The following MEP1A variants were observed in gnomAD, a reference collection of about 807,000 sequenced individuals.
MEP1A encodes the protein meprin A subunit alpha.
Under a neutral mutation model 84.5 loss-of-function variants are expected in MEP1A, and 68 were observed. That is an observed-to-expected ratio of 0.80 (90% CI 0.66 to 0.98). The LOEUF (loss-of-function observed/expected upper bound fraction) is 0.98, where lower values mean the gene tolerates loss of function less well. Among genes scored for constraint, MEP1A ranks in the 50% least tolerant of loss-of-function variants. The pLI is 0.00. For missense variants in MEP1A, 887 were observed against 919.9 expected (o/e 0.96, Z 0.46); for synonymous variants, 337 against 336.8 (o/e 1.00, Z -0.01).
downstream of MEP1A, among the ~76,000 whole-genome samples, chr6:46,842,207 A>G (rs545584426): frequency 3.9e-5 from 6 of 152,234 alleles, no homozygotes; most frequent in Non-Finnish European, 7.3e-5. Context: ...TGTTTGAACA[A>G]TAAGAAAATC....
rs763531716 is a variant in MEP1A at position 46,835,326 on chromosome 6, C to T, written c.1861C>T (p.Gln621Ter). The change falls in exon 13 of 14, where the codon CAG (glutamine) becomes TAG (stop). Residue 621 changes from glutamine (Q) to a stop codon, truncating the protein, a stop_gained. Transcript: ENST00000230588. LOFTEE classifies it high-confidence loss of function. ...CCCCCAAGGCCTCATTCTCCAAGGC[C>T]AGGAGCAGCAGGTCTCCGAAGAAGG... ...LSPQGLILQG[Q>*]EQQVSEEGSG... 6.2e-7 allele frequency: 1 copy of T among 1,608,610 alleles called. No homozygotes were observed. The highest frequency in any genetic ancestry group is 2.2e-5 in the East Asian group (1 of 44,776).
intron 10 of MEP1A, among the ~76,000 whole-genome samples, chr6:46,831,112 C>G (rs1768065171): frequency 6.6e-6 from 1 of 152,104 alleles, no homozygotes; most frequent in Admixed American, 6.5e-5. Flanking sequence ...CCTGGGAACA[C>G]TGTATGAAAG....
intron 7 of MEP1A, among the ~76,000 whole-genome samples, chr6:46,821,647 T>G (rs1767778759): frequency 6.6e-6 from 1 of 152,186 alleles, no homozygotes; most frequent in Admixed American, 6.5e-5. Context: ...CAGAAAACAT[T>G]TCTATTTCCA....
chr6:46,804,428 A>C (rs943834574), intron 5 of MEP1A, among the ~76,000 whole-genome samples: 1 of 151,776 alleles, frequency 6.6e-6, no homozygotes, highest in East Asian at 1.9e-4. Context: ...GAACATTCAC[A>C]TACTCATAAC....
At chr6:46,807,840 G>GAAGA (rs1333175785) in intron 5 of MEP1A, among the ~76,000 whole-genome samples, 2,135 of 107,794 alleles carry the variant, frequency 0.02, 43 homozygotes, top group Middle Eastern at 0.03. Flanking sequence ...AGAAAGAAAG[G>GAAGA]AAGAAAGGAA....
chr6:46,793,390 C>T lies in MEP1A; in HGVS notation c.-9C>T, dbSNP rs1766972754. ...CAAGGTGTGTGCTAAAATCAGCTCA[C>T]TTGCAGCAATGGCTTGGATTAGATC... On this transcript the variant is annotated 5_prime_UTR_variant, in exon 1 of 14. Coordinates refer to ENST00000230588, the MANE Select transcript of MEP1A (RefSeq NM_005588.3). 2 of 1,575,826 alleles carry T rather than the reference C, an allele frequency of 1.3e-6. No homozygotes were observed. The highest frequency in any genetic ancestry group is 1.2e-5 in the South Asian group (1 of 83,646).
At chr6:46,841,651 G>C (rs972965218), downstream of MEP1A, among the ~76,000 whole-genome samples, 1 of 152,128 alleles carries the variant, frequency 6.6e-6, no homozygotes, top group South Asian at 2.1e-4. Flanking sequence ...TTGAAAATTT[G>C]AGAATGTCTC....
intron 3 of MEP1A, among the ~76,000 whole-genome samples, chr6:46,798,304 G>A (rs562904391): frequency 6.6e-6 from 1 of 152,206 alleles, no homozygotes; most frequent in Non-Finnish European, 1.5e-5. Context: ...TATCAGTGCT[G>A]CATCGAATCC....
Position 46,834,658 on chromosome 6 carries a change from G to A in MEP1A, c.1690G>A (p.Asp564Asn), listed in dbSNP as rs757689236. ...HTDCNCFRSI[D>N]LGWSGFISHQ... The stretch of plus-strand genomic sequence containing the variant: ...GGACTGTAATTGTTTTAGAAGCATC[G>A]ACTTGGGCTGGAGTGGTTTCATTTC... The change falls in exon 12 of 14, where the codon GAC (aspartate) becomes AAC (asparagine). Residue 564 changes from aspartate (D) to asparagine (N), a missense_variant. Coordinates refer to ENST00000230588, the MANE Select transcript of MEP1A (RefSeq NM_005588.3). 5.0e-6 allele frequency: 8 copies of A among 1,611,360 alleles called. No homozygotes were observed. The highest frequency in any genetic ancestry group is 2.2e-5 in the East Asian group (1 of 44,856).
chr6:46,797,146 G>C (rs1767064796), intron 3 of MEP1A, among the ~76,000 whole-genome samples: 1 of 152,196 alleles, frequency 6.6e-6, no homozygotes, highest in African/African-American at 2.4e-5. Context: ...CATAAACGGA[G>C]CTGGTTCCTG....
At chr6:46,799,951 G>A (rs3799858) in intron 5 of MEP1A, among the ~76,000 whole-genome samples, 11,811 of 152,144 alleles carry the variant, frequency 0.078, 628 homozygotes, top group South Asian at 0.17. Context: ...GTCTTGTTGG[G>A]CTGCTAGGCT....
Position 46,833,111 on chromosome 6 carries a change from G to A in MEP1A, c.1182G>A (p.Val394=). Residue 394 remains valine (V), a synonymous_variant, in exon 11 of 14, where the codon GTG becomes GTA. Coordinates refer to ENST00000230588, the MANE Select transcript of MEP1A (RefSeq NM_005588.3). ...ACAATTGGAAAATTGCCCATGTGGTGCTCAAAGAGGAACAGAAGTTTCGCT... is the reference window on the plus strand; with the variant it reads ...ACAATTGGAAAATTGCCCATGTGGTACTCAAAGAGGAACAGAAGTTTCGCT... ...DDHNWKIAHV[V]LKEEQKFRYL... 1 of 1,538,782 alleles carries A rather than the reference G, an allele frequency of 6.5e-7. No homozygotes were observed. Among genetic ancestry groups the A allele is most frequent in the South Asian group, 1.3e-5 (1 of 77,048 alleles).
chr6:46,844,446 A>T (rs2150761852), downstream of MEP1A, among the ~76,000 whole-genome samples: 1 of 152,312 alleles, frequency 6.6e-6, no homozygotes, highest in Admixed American at 6.5e-5. Flanking sequence ...TAGTCCTGGA[A>T]TCCCAGAATG....
chr6:46,842,486 A>G (rs1302990488), downstream of MEP1A, among the ~76,000 whole-genome samples: 11 of 152,124 alleles, frequency 7.2e-5, no homozygotes, highest in Admixed American at 2.6e-4. Flanking sequence ...ATAAGGACTG[A>G]AATATGCCCT....
At chr6:46,799,285 A>T in intron 5 of MEP1A, 104 bp downstream of exon 5, 1 of 746,960 alleles carries the variant, frequency 1.3e-6, no homozygotes, top group East Asian at 2.5e-5. Flanking sequence ...GATCTAAGAG[A>T]GTTTTCAAGT....
intron 5 of MEP1A, among the ~76,000 whole-genome samples, chr6:46,808,359 C>T (rs1336836695): frequency 6.6e-6 from 1 of 152,028 alleles, no homozygotes; most frequent in Non-Finnish European, 1.5e-5. Flanking sequence ...CATTATATGA[C>T]ATTTAGGCTG....
intron 6 of MEP1A, among the ~76,000 whole-genome samples, chr6:46,816,169 C>T (rs932633309): frequency 1.3e-5 from 2 of 152,062 alleles, no homozygotes; most frequent in African/African-American, 4.8e-5. Flanking sequence ...AACTCCTGAC[C>T]TCAGGTAATC....
chr6:46,826,530 T>A, intron 9 of MEP1A, 27 bp downstream of exon 9: 3 of 1,460,672 alleles, frequency 2.1e-6, no homozygotes, highest in Non-Finnish European at 2.7e-6. Flanking sequence ...AGCAAACACA[T>A]TGATGTGGTT....
chr6:46,802,557 A>G (rs1051144427), intron 5 of MEP1A, among the ~76,000 whole-genome samples: 1 of 151,636 alleles, frequency 6.6e-6, no homozygotes, highest in Admixed American at 6.6e-5. Context: ...TTTTTACACC[A>G]TATATTGCTT....
Sources: gnomAD v4.1 joint callset for allele counts (sites outside exome capture counted in the v4.1 genomes callset) on GRCh38, gnomAD v4.1.1 for gene constraint, MANE v1.5 for transcripts, NCBI Gene and HGNC (gene_info 2026-07-23, HGNC 2026-07-21) for gene names.